NDST3: variants seen among roughly 807,000 people sequenced by gnomAD.
NDST3 encodes the protein N-deacetylase and N-sulfotransferase 3.
Under a neutral mutation model 96.1 loss-of-function variants are expected in NDST3, and 58 were observed. The ratio of observed to expected loss-of-function variants is 0.60; its 90% CI spans 0.49 to 0.75. The LOEUF is 0.75. NDST3 is among the 30% of genes least tolerant of loss of function. The pLI, the probability that NDST3 is intolerant of heterozygous loss-of-function variation, is 0.00. For synonymous variants in NDST3, 333 were observed against 359.7 expected (o/e 0.93, Z 0.84); for missense variants, 788 against 1,034.2 (o/e 0.76, Z 3.27).
At chr4:118,192,642 T>C (rs1420529407) in intron 6 of NDST3, among the ~76,000 whole-genome samples, 1 of 152,204 alleles carries the variant, frequency 6.6e-6, no homozygotes, top group Non-Finnish European at 1.5e-5. Flanking sequence ...ATTGATGTAT[T>C]TGTCTGTTTT....
chr4:118,052,808 A>G (rs1423264709), intron 1 of NDST3, among the ~76,000 whole-genome samples: 1 of 152,030 alleles, frequency 6.6e-6, no homozygotes, highest in African/African-American at 2.4e-5. Context: ...CCAAATAAAA[A>G]AAGAAGCACT....
chr4:118,116,671 C>A (rs1454885880), intron 4 of NDST3, among the ~76,000 whole-genome samples: 1 of 151,986 alleles, frequency 6.6e-6, no homozygotes, highest in Non-Finnish European at 1.5e-5. Context: ...TCCTGGCTAA[C>A]ATGGTGAAAC....
At chr4:118,187,612 C>G (rs1737049919) in intron 6 of NDST3, among the ~76,000 whole-genome samples, 1 of 152,064 alleles carries the variant, frequency 6.6e-6, no homozygotes, top group South Asian at 2.1e-4. Flanking sequence ...AAAAGTATAC[C>G]CCAAGAGGGC....
At chr4:118,076,186 C>A (rs1368691492) in intron 2 of NDST3, among the ~76,000 whole-genome samples, 1 of 152,108 alleles carries the variant, frequency 6.6e-6, no homozygotes, top group Admixed American at 6.6e-5. Context: ...GATAGGTTTC[C>A]CTTTGTGGGT....
At chr4:118,071,639 T>C (rs149413966) in intron 2 of NDST3, among the ~76,000 whole-genome samples, 4 of 152,252 alleles carry the variant, frequency 2.6e-5, no homozygotes, top group African/African-American at 9.6e-5. Context: ...GGCATATATT[T>C]ACATTTTCTT....
At chr4:118,139,120 C>A (rs1223285684) in intron 5 of NDST3, among the ~76,000 whole-genome samples, 1 of 152,188 alleles carries the variant, frequency 6.6e-6, no homozygotes, top group East Asian at 1.9e-4. Flanking sequence ...TAGCTTAGAT[C>A]ATCTCCCATC....
At chr4:118,247,946 G>A (rs977085189) in intron 12 of NDST3, among the ~76,000 whole-genome samples, 1 of 152,048 alleles carries the variant, frequency 6.6e-6, no homozygotes, top group Admixed American at 6.5e-5. Flanking sequence ...CCATAGAAAT[G>A]GTTTTTCGAT....
intron 4 of NDST3, among the ~76,000 whole-genome samples, chr4:118,132,084 C>A (rs576839042): frequency 6.6e-6 from 1 of 152,140 alleles, no homozygotes; most frequent in African/African-American, 2.4e-5. Context: ...TATGTTCACT[C>A]AAGGCCCTAG....
At chr4:118,152,394 T>C (rs1489866957) in intron 6 of NDST3, among the ~76,000 whole-genome samples, 5 of 152,220 alleles carry the variant, frequency 3.3e-5, no homozygotes, top group Admixed American at 6.5e-5. Context: ...TCAGGAATCA[T>C]AGGACCTAGA....
chr4:118,132,192 T>A (rs1311833409), intron 4 of NDST3, among the ~76,000 whole-genome samples: 1 of 152,184 alleles, frequency 6.6e-6, no homozygotes, highest in African/African-American at 2.4e-5. Flanking sequence ...AGAGATGCTG[T>A]CTGGGAGCCA....
intron 1 of NDST3, among the ~76,000 whole-genome samples, chr4:118,050,934 C>G (rs1444258275): frequency 1.3e-5 from 2 of 152,116 alleles, no homozygotes; most frequent in Non-Finnish European, 2.9e-5. Context: ...GCAAAAAGAA[C>G]AAAGCCAGAA....
intron 1 of NDST3, among the ~76,000 whole-genome samples, chr4:118,048,010 C>CCATT (rs1157098938): frequency 6.6e-6 from 1 of 152,030 alleles, no homozygotes; most frequent in African/African-American, 2.4e-5. Context: ...AGAGGGAATC[C>CCATT]CATTAAGCTA....
intron 12 of NDST3, among the ~76,000 whole-genome samples, chr4:118,251,088 TTTTATTTA>T (rs372261437): frequency 5.0e-5 from 7 of 140,018 alleles, no homozygotes; most frequent in African/African-American, 1.0e-4. Flanking sequence ...GCTATAAATT[TTTTATTTA>T]TTTATTTATT....
At chr4:118,164,162 T>C (rs562477711) in intron 6 of NDST3, among the ~76,000 whole-genome samples, 10 of 152,212 alleles carry the variant, frequency 6.6e-5, no homozygotes, top group Admixed American at 2.0e-4. Flanking sequence ...AATGCAGCCA[T>C]AGAAAGAACA....
Position 118,237,184 on chromosome 4 carries a change from C to T in NDST3, c.2082C>T (p.Leu694=). 6.2e-7 allele frequency: 1 copy of T among 1,613,382 alleles called. No individual in the cohort carries two copies. Among genetic ancestry groups the T allele is most frequent in the South Asian group, 1.1e-5 (1 of 90,890 alleles). ...CCAAAGCCAAGATTATCACCATTCT[C>T]ATTGACCCTTCAGACCGAGCATACT... ...LVPKAKIITI[L]IDPSDRAYSW... is the part of the protein sequence containing the mutation. The change falls in exon 10 of 14, where the codon CTC becomes CTT. Residue 694 remains leucine (L), a synonymous_variant. Transcript: ENST00000296499.
chr4:118,253,392 A>C (rs773342758), intron 12 of NDST3, 107 bp from the exon 13 acceptor site: 15 of 604,668 alleles, frequency 2.5e-5, no homozygotes, highest in Middle Eastern at 4.7e-4. Flanking sequence ...ATCCAAATAA[A>C]ATATTTATGT....
At chr4:118,105,613 A>G (rs10030449) in intron 3 of NDST3, among the ~76,000 whole-genome samples, 4,639 of 152,272 alleles carry the variant, frequency 0.03, 267 homozygotes, top group African/African-American at 0.11. Context: ...TTTCAGAAAT[A>G]TTACTGTCTA....
intron 6 of NDST3, among the ~76,000 whole-genome samples, chr4:118,183,040 G>A (rs774372721): frequency 5.3e-5 from 8 of 152,134 alleles, no homozygotes; most frequent in Admixed American, 6.6e-5. Flanking sequence ...ACAATCACCA[G>A]ATTCACTATA....
chr4:118,235,986 T>C (rs1280936710), intron 9 of NDST3, among the ~76,000 whole-genome samples: 4 of 152,136 alleles, frequency 2.6e-5, no homozygotes, highest in African/African-American at 9.7e-5. Flanking sequence ...CAGTCAAAAA[T>C]CTATGAACAT....
Sources: allele counts gnomAD v4.1 joint callset (sites outside exome capture counted in the v4.1 genomes callset), GRCh38; gene constraint gnomAD v4.1.1; transcripts MANE v1.5; gene names NCBI Gene and HGNC (gene_info 2026-07-23, HGNC 2026-07-21).